TBC1D1: variants seen among roughly 807,000 people sequenced by gnomAD.
The protein encoded by TBC1D1 is TBC1 (tre-2/USP6, BUB2, cdc16) domain family, member 1.
A neutral mutation model predicts 125.6 loss-of-function variants in TBC1D1; 89 were observed. That is an observed-to-expected ratio of 0.71 (90% confidence interval 0.60 to 0.85). The LOEUF (loss-of-function observed/expected upper bound fraction) is 0.85, where lower values mean the gene tolerates loss of function less well. TBC1D1 is among the 40% of genes least tolerant of loss of function. The pLI is 0.00. For missense variants in TBC1D1, 1,377 were observed against 1,469.2 expected (o/e 0.94, Z 1.03); for synonymous variants, 565 against 564.1 (o/e 1.00, Z -0.02).
chr4:37,923,924 C>T (rs1392476230), intron 2 of TBC1D1, among the ~76,000 whole-genome samples: 1 of 152,180 alleles, frequency 6.6e-6, no homozygotes, highest in Non-Finnish European at 1.5e-5. Context: ...AGCTGATCCA[C>T]CCACCTAGGC....
At chr4:37,940,351 T>C (rs1725292018) in intron 2 of TBC1D1, among the ~76,000 whole-genome samples, 1 of 152,204 alleles carries the variant, frequency 6.6e-6, no homozygotes, top group Non-Finnish European at 1.5e-5. Flanking sequence ...TAAGAATGCT[T>C]GTGATTTTTG....
At chr4:38,057,207 C>A (rs1751887028) in intron 12 of TBC1D1, among the ~76,000 whole-genome samples, 1 of 152,204 alleles carries the variant, frequency 6.6e-6, no homozygotes, top group Non-Finnish European at 1.5e-5. Flanking sequence ...GATGCAGGTT[C>A]CCACTAGCCC....
intron 2 of TBC1D1, chr4:37,960,314 T>G: frequency 1.1e-6 from 1 of 913,220 alleles, no homozygotes. Flanking sequence ...TCTCAGATGA[T>G]GTGCTAGGCA....
At chr4:38,044,121 A>G (rs534506932) in intron 8 of TBC1D1, among the ~76,000 whole-genome samples, 30 of 152,366 alleles carry the variant, frequency 2.0e-4, no homozygotes, top group Admixed American at 1.6e-3. Flanking sequence ...GCAATAAACT[A>G]CTTCAACTGA....
intron 17 of TBC1D1, among the ~76,000 whole-genome samples, chr4:38,118,842 A>C (rs1198905830): frequency 6.6e-6 from 1 of 152,168 alleles, no homozygotes; most frequent in East Asian, 1.9e-4. Context: ...ACCTGCCTTT[A>C]TATTCTTGAT....
At chr4:37,944,523 C>T (rs1437438912) in intron 2 of TBC1D1, among the ~76,000 whole-genome samples, 1 of 152,260 alleles carries the variant, frequency 6.6e-6, no homozygotes, top group African/African-American at 2.4e-5. Context: ...CCTACTCAAG[C>T]CTCAGCAATG....
chr4:38,031,361 T>C (rs758812374), intron 7 of TBC1D1, among the ~76,000 whole-genome samples: 2 of 152,192 alleles, frequency 1.3e-5, no homozygotes, highest in Non-Finnish European at 2.9e-5. Context: ...AAGAGACTCT[T>C]TTTACTTTCT....
intron 14 of TBC1D1, among the ~76,000 whole-genome samples, chr4:38,100,914 T>A (rs1198362868): frequency 6.6e-6 from 1 of 152,180 alleles, no homozygotes; most frequent in African/African-American, 2.4e-5. Context: ...GTAGCAGCCT[T>A]GTTTGACATT....
chr4:38,005,399 A>G (rs974270901), intron 2 of TBC1D1, among the ~76,000 whole-genome samples: 3 of 152,176 alleles, frequency 2.0e-5, no homozygotes, highest in African/African-American at 4.8e-5. Context: ...GGTATTGTAC[A>G]TTATGTGAGA....
At chr4:37,915,881 A>G (rs1248190327) in intron 2 of TBC1D1, among the ~76,000 whole-genome samples, 1 of 152,088 alleles carries the variant, frequency 6.6e-6, no homozygotes, top group Non-Finnish European at 1.5e-5. Context: ...ATCATCTCTC[A>G]GCTCTTTGGA....
chr4:38,066,423 C>G (rs764542646), intron 12 of TBC1D1, among the ~76,000 whole-genome samples: 2 of 152,106 alleles, frequency 1.3e-5, no homozygotes, highest in Non-Finnish European at 2.9e-5. Flanking sequence ...GCCTCGACCT[C>G]TTGGGCTCAA....
At chr4:37,903,663 T>C (rs1716657460) in intron 2 of TBC1D1, among the ~76,000 whole-genome samples, 1 of 152,234 alleles carries the variant, frequency 6.6e-6, no homozygotes, top group Non-Finnish European at 1.5e-5. Flanking sequence ...AAATTAATAT[T>C]CTTGGTATCA....
At chr4:38,104,966 A>G (rs1761036462) in intron 15 of TBC1D1, among the ~76,000 whole-genome samples, 1 of 152,132 alleles carries the variant, frequency 6.6e-6, no homozygotes, top group Non-Finnish European at 1.5e-5. Flanking sequence ...CGTGTTAGCC[A>G]GGATGGTCTC....
At chr4:37,892,829 C>T (rs1222102233) in intron 1 of TBC1D1, among the ~76,000 whole-genome samples, 3 of 151,680 alleles carry the variant, frequency 2.0e-5, no homozygotes, top group Non-Finnish European at 2.9e-5. Flanking sequence ...TAGGAGGAAA[C>T]GTGCAACTCT....
At chr4:38,060,414 C>T (rs181951991) in intron 12 of TBC1D1, among the ~76,000 whole-genome samples, 104 of 152,304 alleles carry the variant, frequency 6.8e-4, no homozygotes, top group African/African-American at 2.2e-3. Context: ...TAATAATCAC[C>T]GTTCTGACTG....
chr4:37,993,593 TA>T (rs112210214), intron 2 of TBC1D1, among the ~76,000 whole-genome samples: 14,744 of 152,072 alleles, frequency 0.097, 1,479 homozygotes, highest in East Asian at 0.54. Context: ...TTTATTTATT[TA>T]TTTTTGAGAT....
At chr4:37,898,140 T>C (rs1715043340) in intron 1 of TBC1D1, among the ~76,000 whole-genome samples, 1 of 152,250 alleles carries the variant, frequency 6.6e-6, no homozygotes, top group African/African-American at 2.4e-5. Flanking sequence ...CTTCAGTTCC[T>C]GTTCAGAAAA....
chr4:38,026,040 C>T (rs550690525), intron 6 of TBC1D1, among the ~76,000 whole-genome samples: 185 of 150,762 alleles, frequency 1.2e-3, no homozygotes, highest in Middle Eastern at 3.4e-3. Flanking sequence ...CAAAATACTT[C>T]GATGTGCCTC....
intron 8 of TBC1D1, among the ~76,000 whole-genome samples, chr4:38,037,767 G>A (rs1027821979): frequency 1.2e-4 from 18 of 152,214 alleles, no homozygotes; most frequent in African/African-American, 4.3e-4. Context: ...AGGGTCGGCA[G>A]GGAGGCCATA....
Sources: gnomAD v4.1 joint callset for allele counts (sites outside exome capture counted in the v4.1 genomes callset) on GRCh38, gnomAD v4.1.1 for gene constraint, MANE v1.5 for transcripts, NCBI Gene and HGNC (gene_info 2026-07-23, HGNC 2026-07-21) for gene names.